CNOT6L: variants seen among roughly 807,000 people sequenced by gnomAD.
CNOT6L encodes CCR4-NOT transcription complex subunit 6 like, also known as CCR4-NOT transcription complex subunit 6-like.
Under a neutral mutation model 64.0 loss-of-function variants are expected in CNOT6L, and 7 were observed. The observed-to-expected ratio is 0.11, with a 90% confidence interval of 0.06 to 0.21. The LOEUF (loss-of-function observed/expected upper bound fraction) is 0.21, where lower values mean the gene tolerates loss of function less well. Ranked by LOEUF, CNOT6L falls within the 10% of genes least tolerant of loss-of-function variation. The pLI is 1.00. For missense variants in CNOT6L, 245 were observed against 669.0 expected, an observed-to-expected ratio of 0.37 and a Z score of 6.99; for synonymous variants, 193 against 243.4, an observed-to-expected ratio of 0.79 and a Z score of 1.93.
chr4:77,740,780 T>G (rs1204613200), intron 8 of CNOT6L, among the ~76,000 whole-genome samples: 2 of 152,248 alleles, frequency 1.3e-5, no homozygotes, highest in Non-Finnish European at 2.9e-5. Flanking sequence ...GAAAAATTCC[T>G]ATCACCCAGT....
chr4:77,819,214 A>T (rs574167915), intron 1 of CNOT6L, 90 bp downstream of exon 1: 1 of 1,610,306 alleles, frequency 6.2e-7, no homozygotes, highest in Non-Finnish European at 8.5e-7. Context: ...ACCCACACGC[A>T]CATTTGTCCC....
chr4:77,777,042 A>C (rs1044538205), intron 1 of CNOT6L, among the ~76,000 whole-genome samples: 4 of 152,196 alleles, frequency 2.6e-5, no homozygotes, highest in Non-Finnish European at 5.9e-5. Flanking sequence ...CCTGTAGCAC[A>C]CCCAAATACT....
intron 6 of CNOT6L, among the ~76,000 whole-genome samples, chr4:77,745,930 C>T (rs184179969): frequency 2.6e-5 from 4 of 152,314 alleles, no homozygotes; most frequent in Admixed American, 2.6e-4. Context: ...GTTCAGTCCC[C>T]TGGGGGGTCT....
At chr4:77,786,299 G>A (rs1246113289) in intron 1 of CNOT6L, among the ~76,000 whole-genome samples, 2 of 150,626 alleles carry the variant, frequency 1.3e-5, no homozygotes, top group Non-Finnish European at 3.0e-5. Flanking sequence ...GAAAGAAAGA[G>A]AGACAGAGAG....
chr4:77,743,274 A>G (rs764965774), intron 7 of CNOT6L, among the ~76,000 whole-genome samples: 1 of 151,946 alleles, frequency 6.6e-6, no homozygotes, highest in African/African-American at 2.4e-5. Context: ...TAATAAGACA[A>G]TTTTCTTAAA....
chr4:77,800,521 A>C (rs1335159257), intron 1 of CNOT6L, among the ~76,000 whole-genome samples: 1 of 152,146 alleles, frequency 6.6e-6, no homozygotes, highest in African/African-American at 2.4e-5. Flanking sequence ...TTAAAAAAAA[A>C]ATTAAAAAAA....
At chr4:77,725,621 G>A (rs1050811259) in intron 11 of CNOT6L, among the ~76,000 whole-genome samples, 3 of 151,868 alleles carry the variant, frequency 2.0e-5, no homozygotes, top group South Asian at 2.1e-4. Context: ...GAATATATTA[G>A]TATAAATACA....
At chr4:77,793,845 A>G (rs1560429368) in intron 1 of CNOT6L, among the ~76,000 whole-genome samples, 1 of 152,114 alleles carries the variant, frequency 6.6e-6, no homozygotes, top group South Asian at 2.1e-4. Flanking sequence ...ATTGTAAAAC[A>G]ATTTTTGTTA....
intron 1 of CNOT6L, among the ~76,000 whole-genome samples, chr4:77,777,373 A>G (rs1271430922): frequency 3.3e-5 from 5 of 152,338 alleles, no homozygotes. Flanking sequence ...ACATAACTAT[A>G]CTGTGCCATC....
intron 4 of CNOT6L, among the ~76,000 whole-genome samples, chr4:77,772,245 T>C (rs1488340217): frequency 6.6e-6 from 1 of 152,206 alleles, no homozygotes; most frequent in Non-Finnish European, 1.5e-5. Flanking sequence ...TCCCTTTTTT[T>C]TCTTGAGACG....
chr4:77,750,058 G>A (rs1040613874), intron 5 of CNOT6L, among the ~76,000 whole-genome samples: 6 of 152,024 alleles, frequency 3.9e-5, no homozygotes, highest in African/African-American at 1.4e-4. Flanking sequence ...TATATCCATG[G>A]AATACTGTTG....
intron 1 of CNOT6L, among the ~76,000 whole-genome samples, chr4:77,782,121 T>C (rs900414019): frequency 1.3e-5 from 2 of 152,194 alleles, no homozygotes; most frequent in African/African-American, 4.8e-5. Flanking sequence ...TGTCTTATAT[T>C]GGCATTTATT....
Position 77,716,151 on chromosome 4 carries a change from TATCTC to T in CNOT6L, c.*4275_*4279del, listed in dbSNP as rs1720726154. 1 of 151,738 alleles carries T rather than the reference TATCTC, an allele frequency of 6.6e-6. No individual in the cohort carries two copies. The highest frequency in any genetic ancestry group is 2.4e-5 in the African/African-American group (1 of 41,354). The allele number at this position is 151,738 out of a possible 1,614,324, so 9.4% of individuals were successfully genotyped here. ...AGGGTAGGGCAGGTGGGAAAAAGAA[TATCTC>T]ATCAATGTGAGAATTCACATTTCTG... On this transcript the variant is annotated 3_prime_UTR_variant, in exon 12 of 12. Transcript: ENST00000504123.
intron 8 of CNOT6L, among the ~76,000 whole-genome samples, chr4:77,734,910 A>T (rs1722788358): frequency 6.7e-6 from 1 of 149,576 alleles, no homozygotes; most frequent in Non-Finnish European, 1.5e-5. Flanking sequence ...ACAGAATAAT[A>T]AAAAAAAAAT....
chr4:77,779,877 T>A (rs893990456), intron 1 of CNOT6L, among the ~76,000 whole-genome samples: 1 of 152,120 alleles, frequency 6.6e-6, no homozygotes, highest in African/African-American at 2.4e-5. Flanking sequence ...GGCAGGAGAA[T>A]GGCATGAACC....
At chr4:77,784,820 T>A (rs1446447260) in intron 1 of CNOT6L, among the ~76,000 whole-genome samples, 1 of 152,162 alleles carries the variant, frequency 6.6e-6, no homozygotes, top group Non-Finnish European at 1.5e-5. Context: ...CTGTTTTCTT[T>A]CTCCTCTGAT....
chr4:77,803,795 C>T (rs1411613424), intron 1 of CNOT6L, among the ~76,000 whole-genome samples: 2 of 151,864 alleles, frequency 1.3e-5, no homozygotes, highest in Non-Finnish European at 2.9e-5. Context: ...CCCAGCTACT[C>T]GGGAGGCTGA....
At chr4:77,754,946 T>G (rs1012987790) in intron 5 of CNOT6L, among the ~76,000 whole-genome samples, 2 of 114,314 alleles carry the variant, frequency 1.7e-5, no homozygotes, top group African/African-American at 6.4e-5. Flanking sequence ...GGAGAATATA[T>G]TCATGATCTT....
In CNOT6L at chr4:77,758,346, T is replaced by C. The variant is rs114459683; in HGVS notation, c.401-1395A>G. Among the ~76,000 whole-genome samples, 1,475 of 151,984 alleles carry C rather than the reference T, an allele frequency of 9.7e-3. 13 individuals carry two copies. Among genetic ancestry groups the C allele is most frequent in the Non-Finnish European group, 0.013 (869 of 67,960 alleles). ...AGATTAGACACAGCTGAAAAGAAAA[T>C]CAGTCATCAAGAAAAACAGATTCAA... On this transcript the variant is annotated intron_variant, in intron 4 of 11. Coordinates refer to ENST00000504123, the MANE Select transcript of CNOT6L (RefSeq NM_144571.3).
Sources: gnomAD v4.1 joint callset for allele counts (sites outside exome capture counted in the v4.1 genomes callset) on GRCh38, gnomAD v4.1.1 for gene constraint, MANE v1.5 for transcripts, NCBI Gene and HGNC (gene_info 2026-07-23, HGNC 2026-07-21) for gene names.